TNR: variants seen among roughly 807,000 people sequenced by gnomAD.
TNR encodes tenascin-R.
TNR carries 45 observed loss-of-function variants against 150.4 expected under a neutral mutation model. The ratio of observed to expected loss-of-function variants is 0.30; its 90% CI spans 0.24 to 0.38. TNR has a LOEUF of 0.38. TNR is among the 10% of genes least tolerant of loss of function. The pLI, the probability that TNR is intolerant of heterozygous loss-of-function variation, is 1.00. For synonymous variants in TNR, 687 were observed against 678.4 expected (o/e 1.01, Z -0.20); for missense variants, 1,544 against 1,759.1 (o/e 0.88, Z 2.19).
At chr1:175,617,287 C>G (rs1296402141) in intron 1 of TNR, among the ~76,000 whole-genome samples, 2 of 152,150 alleles carry the variant, frequency 1.3e-5, no homozygotes, top group Non-Finnish European at 2.9e-5. Context: ...GGAGATTTAC[C>G]CTTTTAGGTG....
chr1:175,665,129 A>T (rs1307161317), intron 1 of TNR, among the ~76,000 whole-genome samples: 1 of 152,250 alleles, frequency 6.6e-6, no homozygotes, highest in Non-Finnish European at 1.5e-5. Context: ...ATTGATTTGA[A>T]ATGAAGAAAT....
In TNR at chr1:175,406,761, C is replaced by A. The variant is rs1387653960; in HGVS notation, c.-47G>T. ...TTCAGGACCAGCCTGCAGCACACAG[C>A]ATGGAGTTGTGGGAATCTGCAACGG... On this transcript the variant is annotated 5_prime_UTR_variant, in exon 3 of 23. It removes an upstream start codon present in the reference 5' UTR. Coordinates refer to ENST00000367674, the MANE Select transcript of TNR (RefSeq NM_003285.3). 1 of 1,588,928 alleles carries A rather than the reference C, an allele frequency of 6.3e-7. No individual in the cohort carries two copies. Among genetic ancestry groups the A allele is most frequent in the Non-Finnish European group, 8.6e-7 (1 of 1,167,942 alleles).
At chr1:175,496,221 C>T (rs766743287) in intron 2 of TNR, among the ~76,000 whole-genome samples, 30 of 152,118 alleles carry the variant, frequency 2.0e-4, no homozygotes, top group Non-Finnish European at 3.2e-4. Flanking sequence ...TTTTAATACT[C>T]CAGTATATAT....
intron 7 of TNR, among the ~76,000 whole-genome samples, chr1:175,387,004 C>T (rs1370382158): frequency 6.6e-6 from 1 of 152,210 alleles, no homozygotes; most frequent in Non-Finnish European, 1.5e-5. Flanking sequence ...ATTGCAGTCA[C>T]CTCTTCCAGG....
intron 1 of TNR, among the ~76,000 whole-genome samples, chr1:175,639,293 A>G (rs1664580192): frequency 6.6e-6 from 1 of 152,242 alleles, no homozygotes; most frequent in African/African-American, 2.4e-5. Context: ...ACCACCTGGT[A>G]GCATGTAGTT....
At chr1:175,619,968 C>A (rs760279032) in intron 1 of TNR, among the ~76,000 whole-genome samples, 1 of 152,310 alleles carries the variant, frequency 6.6e-6, no homozygotes. Flanking sequence ...ACTTACCCAT[C>A]TATAAAATGG....
At chr1:175,588,227 T>A (rs1049849558) in intron 1 of TNR, among the ~76,000 whole-genome samples, 4 of 152,212 alleles carry the variant, frequency 2.6e-5, no homozygotes, top group African/African-American at 9.6e-5. Context: ...GAATAAGCAG[T>A]TGGACTAATT....
chr1:175,710,036 T>C (rs1433665980), intron 1 of TNR, among the ~76,000 whole-genome samples: 1 of 152,072 alleles, frequency 6.6e-6, no homozygotes, highest in Non-Finnish European at 1.5e-5. Context: ...TGATGGGTTT[T>C]CATAGGAAAA....
intron 1 of TNR, among the ~76,000 whole-genome samples, chr1:175,556,078 C>G (rs1341626526): frequency 1.3e-5 from 2 of 152,264 alleles, no homozygotes; most frequent in Non-Finnish European, 2.9e-5. Context: ...TCCTGGGCCC[C>G]TCTGCAAATA....
At chr1:175,577,710 A>T (rs551200010) in intron 1 of TNR, among the ~76,000 whole-genome samples, 8 of 152,214 alleles carry the variant, frequency 5.3e-5, no homozygotes, top group Non-Finnish European at 1.2e-4. Context: ...TAACTGTCAG[A>T]GTGTTCAGAA....
Position 175,320,537 on chromosome 1 carries a change from G to A in TNR, c.*2820C>T, listed in dbSNP as rs1236530236. ...AAGGAAGATTTTTGTTTCCACTGAT[G>A]TTTCTTGACTTTCACCTGAATTGAC... On this transcript the variant is annotated 3_prime_UTR_variant, in exon 23 of 23. Coordinates refer to ENST00000367674, the MANE Select transcript of TNR (RefSeq NM_003285.3). 2 of 152,156 alleles carry A rather than the reference G, an allele frequency of 1.3e-5. No individual in the cohort carries two copies. Among genetic ancestry groups the A allele is most frequent in the Non-Finnish European group, 2.9e-5 (2 of 68,012 alleles). 9.4% of individuals were successfully genotyped at this position (152,156 alleles called of 1,614,324 possible).
At chr1:175,649,133 T>TCAGGCC (rs893480647) in intron 1 of TNR, among the ~76,000 whole-genome samples, 1 of 152,214 alleles carries the variant, frequency 6.6e-6, no homozygotes, top group African/African-American at 2.4e-5. Context: ...TCGGCCATGG[T>TCAGGCC]CAGGCCGGCG....
At chr1:175,402,859 C>T (rs954539768) in intron 4 of TNR, among the ~76,000 whole-genome samples, 12 of 152,160 alleles carry the variant, frequency 7.9e-5, no homozygotes, top group Non-Finnish European at 1.6e-4. Context: ...GAAGTGTTGT[C>T]ATCATTGTTA....
chr1:175,469,487 A>G (rs1657182342), intron 2 of TNR, among the ~76,000 whole-genome samples: 2 of 152,158 alleles, frequency 1.3e-5, no homozygotes, highest in Admixed American at 1.3e-4. Flanking sequence ...ACTGGACCCT[A>G]AAGAATAAAC....
intron 21 of TNR, among the ~76,000 whole-genome samples, chr1:175,329,587 C>T (rs1203270182): frequency 6.6e-6 from 1 of 152,164 alleles, no homozygotes; most frequent in Non-Finnish European, 1.5e-5. Flanking sequence ...AGGGGCATCT[C>T]AGAGAGGGGT....
chr1:175,485,193 GC>G (rs1418338010), intron 2 of TNR, among the ~76,000 whole-genome samples: 6 of 152,104 alleles, frequency 3.9e-5, no homozygotes, highest in African/African-American at 1.4e-4. Flanking sequence ...ATTCCCTTCA[GC>G]CCCAGTCTGC....
chr1:175,540,588 C>A (rs865953431), intron 1 of TNR, among the ~76,000 whole-genome samples: 2 of 152,158 alleles, frequency 1.3e-5, no homozygotes, highest in Admixed American at 6.5e-5. Flanking sequence ...TGGGAGCAGA[C>A]AAGTACCCCA....
chr1:175,435,532 G>T (rs959824744), intron 2 of TNR, among the ~76,000 whole-genome samples: 1 of 152,196 alleles, frequency 6.6e-6, no homozygotes. Flanking sequence ...GGGGAACGTT[G>T]AATATACGAA....
intron 2 of TNR, among the ~76,000 whole-genome samples, chr1:175,513,990 A>T (rs1659303020): frequency 6.6e-6 from 1 of 152,232 alleles, no homozygotes; most frequent in African/African-American, 2.4e-5. Context: ...CCATGAGGTT[A>T]TGTAAAGGAT....
Sources: gnomAD v4.1 joint callset for allele counts (sites outside exome capture counted in the v4.1 genomes callset) on GRCh38, gnomAD v4.1.1 for gene constraint, MANE v1.5 for transcripts, NCBI Gene and HGNC (gene_info 2026-07-23, HGNC 2026-07-21) for gene names.